SH3RF2: variants seen among roughly 807,000 people sequenced by gnomAD.
SH3RF2 encodes SH3 domain containing ring finger 2, also known as E3 ubiquitin-protein ligase SH3RF2.
A neutral mutation model predicts 59.0 loss-of-function variants in SH3RF2; 43 were observed. The observed-to-expected ratio is 0.73, with a 90% CI of 0.57 to 0.94. The LOEUF (loss-of-function observed/expected upper bound fraction) is 0.94. Ranked by LOEUF, SH3RF2 falls within the 40% of genes least tolerant of loss-of-function variation. SH3RF2 has a pLI of 0.00. For missense variants in SH3RF2, 930 were observed against 940.1 expected, an observed-to-expected ratio of 0.99 and a Z score of 0.14; for synonymous variants, 391 against 391.5, an observed-to-expected ratio of 1.00 and a Z score of 0.01.
At chr5:146,038,864 C>T (rs752545578) in intron 5 of SH3RF2, among the ~76,000 whole-genome samples, 42 of 152,304 alleles carry the variant, frequency 2.8e-4, no homozygotes, top group Non-Finnish European at 1.6e-4. Flanking sequence ...ACACTTCTGA[C>T]GAAGAAGATG....
intron 2 of SH3RF2, among the ~76,000 whole-genome samples, chr5:145,951,917 T>C (rs781206253): frequency 1.3e-5 from 2 of 152,198 alleles, no homozygotes; most frequent in Admixed American, 6.5e-5. Context: ...TTATAATAGC[T>C]AGTTTCAAAT....
chr5:146,066,109 G>T (rs1263496188), downstream of SH3RF2, among the ~76,000 whole-genome samples: 3 of 152,204 alleles, frequency 2.0e-5, no homozygotes, highest in African/African-American at 7.2e-5. Flanking sequence ...AACCACAGAT[G>T]ATGGCAGAGC....
chr5:145,937,159 G>A (rs1163566948), intron 1 of SH3RF2: 1 of 150,120 alleles, frequency 6.7e-6, no homozygotes, highest in Admixed American at 6.6e-5. Context: ...AGGTAATCGG[G>A]ATGAGGAGAG....
intron 5 of SH3RF2, among the ~76,000 whole-genome samples, chr5:146,033,718 C>T (rs1055306891): frequency 6.6e-6 from 1 of 152,054 alleles, no homozygotes; most frequent in African/African-American, 2.4e-5. Context: ...GATCTGCCCA[C>T]CTCAGCCTCC....
At chr5:146,055,790 G>A (rs1040344650) in intron 7 of SH3RF2, 191 bp from the exon 8 acceptor site, 33 of 621,460 alleles carry the variant, frequency 5.3e-5, no homozygotes, top group South Asian at 9.9e-5. Flanking sequence ...ACAGTTATCC[G>A]GGTGTAGGGA....
intron 2 of SH3RF2, among the ~76,000 whole-genome samples, chr5:145,968,005 T>C (rs748841144): frequency 6.6e-6 from 1 of 152,216 alleles, no homozygotes; most frequent in Non-Finnish European, 1.5e-5. Flanking sequence ...ACTTTGCTTT[T>C]AGGATATCCA....
chr5:146,042,689 G>T (rs1319911208), intron 5 of SH3RF2, among the ~76,000 whole-genome samples: 7 of 152,190 alleles, frequency 4.6e-5, no homozygotes. Context: ...TGTGCCAGGA[G>T]GCTTCATACC....
At chr5:146,020,517 A>T (rs1761278651) in intron 5 of SH3RF2, among the ~76,000 whole-genome samples, 1 of 152,130 alleles carries the variant, frequency 6.6e-6, no homozygotes, top group Non-Finnish European at 1.5e-5. Flanking sequence ...CCCTGTAAGC[A>T]TATTATTTTT....
chr5:145,942,324 C>G (rs1757846966), intron 2 of SH3RF2, among the ~76,000 whole-genome samples: 1 of 152,200 alleles, frequency 6.6e-6, no homozygotes, highest in South Asian at 2.1e-4. Flanking sequence ...GGACTTTCTC[C>G]CTACCTTGCT....
chr5:145,997,510 A>C (rs534460002), intron 2 of SH3RF2: 3 of 1,601,196 alleles, frequency 1.9e-6, no homozygotes, highest in South Asian at 1.1e-5. Flanking sequence ...GCTTATGTCT[A>C]TCTGAAGAAT....
intron 5 of SH3RF2, among the ~76,000 whole-genome samples, chr5:146,019,943 T>C (rs1761248463): frequency 6.6e-6 from 1 of 152,224 alleles, no homozygotes; most frequent in South Asian, 2.1e-4. Context: ...GCTGCTGATT[T>C]GTGTACATCG....
chr5:146,058,557 G>C (rs760789503), intron 8 of SH3RF2, among the ~76,000 whole-genome samples: 2 of 152,206 alleles, frequency 1.3e-5, no homozygotes, highest in African/African-American at 2.4e-5. Context: ...CGATGCAGAC[G>C]TGGCCTTGGC....
At chr5:145,951,804 T>C (rs1168194145) in intron 2 of SH3RF2, among the ~76,000 whole-genome samples, 2 of 152,230 alleles carry the variant, frequency 1.3e-5, no homozygotes, top group African/African-American at 4.8e-5. Context: ...TCTTATTTTC[T>C]CCGGGCTGGA....
intron 2 of SH3RF2, among the ~76,000 whole-genome samples, chr5:145,994,282 C>A (rs1246432303): frequency 6.6e-6 from 1 of 152,238 alleles, no homozygotes; most frequent in African/African-American, 2.4e-5. Context: ...AACTTTCCCA[C>A]ATTTTGCTGT....
chr5:145,989,779 G>T (rs1233530829), intron 2 of SH3RF2, among the ~76,000 whole-genome samples: 1 of 149,488 alleles, frequency 6.7e-6, no homozygotes, highest in Non-Finnish European at 1.5e-5. Context: ...CACAGTAGCA[G>T]GTTGAGTTCT....
chr5:146,015,522 C>T (rs1463996100), intron 5 of SH3RF2, among the ~76,000 whole-genome samples: 6 of 152,146 alleles, frequency 3.9e-5, no homozygotes, highest in Non-Finnish European at 8.8e-5. Context: ...CAAAGAGTCA[C>T]AGAATTTTTT....
chr5:146,075,422 A>G (rs1318515280), intron 9 of SH3RF2, among the ~76,000 whole-genome samples: 1 of 152,218 alleles, frequency 6.6e-6, no homozygotes, highest in Non-Finnish European at 1.5e-5. Flanking sequence ...AAAAACGTCC[A>G]TGGGGTCACA....
In SH3RF2 at chr5:146,004,173, A is replaced by C. The variant is rs760774688; in HGVS notation, c.744+20A>C. On this transcript the variant is annotated intron_variant, in intron 4 of 9. Transcript: ENST00000359120. ...GTAGAGGTACGTGAGTATCAAGTCT[A>C]CATCTGATTTACGCATACACAGAAA... 2 of 1,593,616 alleles carry C rather than the reference A, an allele frequency of 1.3e-6. No individual in the cohort carries two copies. Among genetic ancestry groups the C allele is most frequent in the African/African-American group, 2.7e-5 (2 of 74,458 alleles).
chr5:145,999,939 A>G, intron 2 of SH3RF2, 119 bp from the exon 3 acceptor site: 1 of 1,232,768 alleles, frequency 8.1e-7, no homozygotes, highest in Non-Finnish European at 1.1e-6. Context: ...TGATTTGTAA[A>G]AAACTCAGTA....
Sources: allele counts gnomAD v4.1 joint callset (sites outside exome capture counted in the v4.1 genomes callset), GRCh38; gene constraint gnomAD v4.1.1; transcripts MANE v1.5; gene names NCBI Gene and HGNC (gene_info 2026-07-23, HGNC 2026-07-21).